The following CHST15 variants were observed in gnomAD, a reference collection of about 807,000 sequenced individuals.
The protein encoded by CHST15 is B cell RAG associated protein (GALNAC4S-6ST).
In CHST15, 30 loss-of-function variants were observed where a neutral mutation model predicts 53.6. That is an observed-to-expected ratio of 0.56 (90% CI 0.42 to 0.76). The LOEUF (loss-of-function observed/expected upper bound fraction) is 0.76, where lower values mean the gene tolerates loss of function less well. Among genes scored for constraint, CHST15 ranks in the 30% least tolerant of loss-of-function variants. CHST15 has a pLI of 0.00. For missense variants in CHST15, 627 were observed against 740.5 expected (o/e 0.85, Z 1.78); for synonymous variants, 296 against 289.8 (o/e 1.02, Z -0.22).
chr10:124,021,124 T>C, intron 6 of CHST15, 132 bp downstream of exon 6: 1 of 1,522,942 alleles, frequency 6.6e-7, no homozygotes, highest in Middle Eastern at 1.7e-4. Flanking sequence ...GGGAACAGCA[T>C]TTGCACATTA....
At chr10:124,063,655 AT>A (rs1212213576) in intron 1 of CHST15, among the ~76,000 whole-genome samples, 7 of 152,308 alleles carry the variant, frequency 4.6e-5, no homozygotes, top group Admixed American at 3.9e-4. Flanking sequence ...GAAAAAAAAA[AT>A]CTCACTAAGT....
chr10:124,049,695 A>G (rs1948125902), intron 1 of CHST15, among the ~76,000 whole-genome samples: 1 of 152,212 alleles, frequency 6.6e-6, no homozygotes, highest in African/African-American at 2.4e-5. Flanking sequence ...CATGCGTCTC[A>G]TCTGCTGGCT....
At chr10:124,061,037 G>T (rs1230641890) in intron 1 of CHST15, among the ~76,000 whole-genome samples, 3 of 152,178 alleles carry the variant, frequency 2.0e-5, no homozygotes, top group African/African-American at 4.8e-5. Context: ...GCCCCATTGT[G>T]CAGATAAGAA....
intron 4 of CHST15, among the ~76,000 whole-genome samples, chr10:124,041,923 C>A (rs955239841): frequency 6.6e-6 from 1 of 152,184 alleles, no homozygotes; most frequent in Non-Finnish European, 1.5e-5. Flanking sequence ...AGCAGCAAAT[C>A]GATGACTAAC....
chr10:124,078,146 G>A (rs1357459976), intron 1 of CHST15, among the ~76,000 whole-genome samples: 1 of 152,188 alleles, frequency 6.6e-6, no homozygotes, highest in Non-Finnish European at 1.5e-5. Flanking sequence ...TTGCATTGCA[G>A]GTAAAGAAAC....
chr10:124,087,532 T>C (rs990599280), intron 1 of CHST15, among the ~76,000 whole-genome samples: 3 of 152,240 alleles, frequency 2.0e-5, no homozygotes, highest in Non-Finnish European at 2.9e-5. Context: ...TCTGTTTCAA[T>C]ATTTTTACCA....
chr10:124,011,661 C>T, intron 7 of CHST15: 1 of 985,486 alleles, frequency 1.0e-6, no homozygotes, highest in Non-Finnish European at 1.2e-6. Context: ...CAGCCATCAC[C>T]ATAGTCAGCA....
chr10:124,028,735 T>C lies in CHST15; in HGVS notation c.1191-7323A>G, dbSNP rs1947106548. On this transcript the variant is annotated intron_variant, in intron 5 of 7. Coordinates refer to ENST00000435907, the MANE Select transcript of CHST15 (RefSeq NM_001270764.2). Reference sequence around the variant, plus strand: ...GCAGGCGCTTGGTGGCCTTGAGCTCTGACATGTCCTCCAGTTACTGCTCCA... The same window carrying C: ...GCAGGCGCTTGGTGGCCTTGAGCTCCGACATGTCCTCCAGTTACTGCTCCA... Among the ~76,000 whole-genome samples the C allele has an allele frequency of 2.0e-5, 3 of 152,230 alleles. No individual in the cohort carries two copies. In the South Asian group the frequency reaches 6.2e-4, roughly 31 times the overall value.
chr10:124,044,074 A>C (rs992744461), intron 3 of CHST15, among the ~76,000 whole-genome samples: 2 of 151,300 alleles, frequency 1.3e-5, no homozygotes, highest in Non-Finnish European at 1.5e-5. Context: ...GGAACAACAC[A>C]GAGCAGGGAG....
intron 1 of CHST15, among the ~76,000 whole-genome samples, chr10:124,068,955 T>C (rs1378265250): frequency 6.6e-6 from 1 of 152,200 alleles, no homozygotes; most frequent in Non-Finnish European, 1.5e-5. Flanking sequence ...AAAGAAAGCA[T>C]ACAAGGAGAT....
chr10:124,078,060 G>A (rs1277066356), intron 1 of CHST15, among the ~76,000 whole-genome samples: 2 of 152,266 alleles, frequency 1.3e-5, no homozygotes, highest in Non-Finnish European at 1.5e-5. Flanking sequence ...CTAGCTCTAC[G>A]GGTAGAATTG....
intron 5 of CHST15, among the ~76,000 whole-genome samples, chr10:124,025,459 G>A (rs1946961570): frequency 6.6e-6 from 1 of 152,196 alleles, no homozygotes; most frequent in Non-Finnish European, 1.5e-5. Context: ...TCAGAGAACT[G>A]GCAGTGGGCT....
chr10:124,067,779 G>T (rs535823326), intron 1 of CHST15, among the ~76,000 whole-genome samples: 38 of 152,180 alleles, frequency 2.5e-4, no homozygotes, highest in African/African-American at 8.7e-4. Flanking sequence ...ACCATGCCCC[G>T]CTAATTTTTG....
chr10:124,018,000 C>G (rs937071328), intron 6 of CHST15, among the ~76,000 whole-genome samples: 1 of 152,242 alleles, frequency 6.6e-6, no homozygotes, highest in African/African-American at 2.4e-5. Context: ...CCGGGAACCA[C>G]CAATGCCTTC....
chr10:124,011,884 G>GC, intron 7 of CHST15: 1 of 980,810 alleles, frequency 1.0e-6, no homozygotes, highest in Non-Finnish European at 1.2e-6. Context: ...CTCTGCTCCA[G>GC]CCCCCCGGTG....
At chr10:124,034,823 C>G (rs1406710880) in intron 5 of CHST15, among the ~76,000 whole-genome samples, 1 of 145,270 alleles carries the variant, frequency 6.9e-6, no homozygotes, top group Non-Finnish European at 1.5e-5. Context: ...CCGGCTCCGC[C>G]CCCTAACGGG....
chr10:124,038,646 C>T lies in CHST15; in HGVS notation c.1059G>A (p.Trp353Ter), dbSNP rs1376244891. The change falls in exon 5 of 8, where the codon TGG becomes TGA. Residue 353 changes from tryptophan to a stop codon, truncating the protein, a stop_gained. Transcript: ENST00000435907. LOFTEE classifies it high-confidence loss of function. ...IIGEASASTM[W>*]DNNAWTFFYD... ...AGAAGAACGTCCAGGCATTATTATC[C>T]CACATCGTGGAGGCACTGGCCTCCC... 1.9e-6 allele frequency: 3 copies of T among 1,614,010 alleles called. No homozygotes were observed. The highest frequency in any genetic ancestry group is 2.5e-6 in the Non-Finnish European group (3 of 1,180,026).
intron 1 of CHST15, among the ~76,000 whole-genome samples, chr10:124,057,935 G>A (rs187363356): frequency 2.5e-3 from 371 of 150,870 alleles, no homozygotes; most frequent in African/African-American, 8.8e-3. Context: ...GGGGCAGGGT[G>A]GACCAGAGAC....
At chr10:124,063,963 TA>T (rs1005017927) in intron 1 of CHST15, among the ~76,000 whole-genome samples, 6 of 151,848 alleles carry the variant, frequency 4.0e-5, no homozygotes, top group Non-Finnish European at 7.4e-5. Context: ...AACATGATAA[TA>T]AAAAAAACTT....
Sources: gnomAD v4.1 joint callset for allele counts (sites outside exome capture counted in the v4.1 genomes callset) on GRCh38, gnomAD v4.1.1 for gene constraint, MANE v1.5 for transcripts, NCBI Gene and HGNC (gene_info 2026-07-23, HGNC 2026-07-21) for gene names.